The following MB21D2 variants were observed in gnomAD, a reference collection of about 807,000 sequenced individuals.
MB21D2 encodes Mab-21 domain containing 2, also known as nucleotidyltransferase MB21D2.
A neutral mutation model predicts 33.3 loss-of-function variants in MB21D2; 9 were observed. That is an observed-to-expected ratio of 0.27 (90% CI 0.16 to 0.47). The LOEUF (loss-of-function observed/expected upper bound fraction) is 0.47. Ranked by LOEUF, MB21D2 falls within the 20% of genes least tolerant of loss-of-function variation. The probability of loss-of-function intolerance (pLI) is 0.99; values close to 1 mark genes in which losing one functional copy is unlikely to be tolerated. For synonymous variants in MB21D2, 241 were observed against 236.3 expected (o/e 1.02, Z -0.18); for missense variants, 540 against 624.6 (o/e 0.86, Z 1.44).
chr3:192,900,940 C>CAAAAA (rs5855467), intron 1 of MB21D2, among the ~76,000 whole-genome samples: 1 of 140,656 alleles, frequency 7.1e-6, no homozygotes, highest in African/African-American at 2.6e-5. Flanking sequence ...GACTCTGTCT[C>CAAAAA]AAAAAAAAAA....
intron 1 of MB21D2, among the ~76,000 whole-genome samples, chr3:192,846,194 C>A (rs1712677644): frequency 6.6e-6 from 1 of 152,142 alleles, no homozygotes; most frequent in Non-Finnish European, 1.5e-5. Context: ...ATTATCTGAT[C>A]TTTTAGTTAA....
At chr3:192,900,081 G>A (rs1021209801) in intron 1 of MB21D2, among the ~76,000 whole-genome samples, 3 of 151,686 alleles carry the variant, frequency 2.0e-5, no homozygotes, top group Admixed American at 6.6e-5. Context: ...TCAGGAGATC[G>A]AGACCATCCT....
intron 1 of MB21D2, among the ~76,000 whole-genome samples, chr3:192,861,252 CT>C (rs1713035886): frequency 6.6e-6 from 1 of 152,198 alleles, no homozygotes; most frequent in East Asian, 1.9e-4. Context: ...TCCAAGTCCC[CT>C]GTGGTTCTGG....
intron 1 of MB21D2, among the ~76,000 whole-genome samples, chr3:192,906,004 A>G (rs537167773): frequency 6.6e-6 from 1 of 152,234 alleles, no homozygotes; most frequent in Admixed American, 6.5e-5. Flanking sequence ...TACAATAATA[A>G]TACTTACTTC....
Position 192,894,289 on chromosome 3 carries a change from T to C in MB21D2, c.211+23341A>G, listed in dbSNP as rs577840565. 9.0e-4 allele frequency among the ~76,000 whole-genome samples: 137 copies of C among 151,710 alleles called. 3 individuals are homozygous for C. The South Asian group carries it at 0.016, about 18-fold the overall frequency. ...GATTATAGGCGCCCACCACCATGCCTGGCTGATTTTTTTGTATTTTTAATA... is the reference window on the plus strand; with the variant it reads ...GATTATAGGCGCCCACCACCATGCCCGGCTGATTTTTTTGTATTTTTAATA... On this transcript the variant is annotated intron_variant, in intron 1 of 1. Transcript: ENST00000392452.
At chr3:192,832,509 T>A (rs533400843) in intron 1 of MB21D2, among the ~76,000 whole-genome samples, 6 of 152,316 alleles carry the variant, frequency 3.9e-5, no homozygotes, top group African/African-American at 1.4e-4. Context: ...AGAGTATGTC[T>A]CGCCAGGTGC....
chr3:192,802,340 A>T (rs1711578861), intron 1 of MB21D2, among the ~76,000 whole-genome samples: 1 of 152,090 alleles, frequency 6.6e-6, no homozygotes, highest in Non-Finnish European at 1.5e-5. Flanking sequence ...ACAGGTGTAG[A>T]TCCCAAGGGT....
Position 192,798,522 on chromosome 3 carries a change from G to T in MB21D2, c.1340C>A (p.Pro447His). Residue 447 changes from proline to histidine, a missense_variant, in exon 2 of 2, where the codon CCC (proline) becomes CAC (histidine). Physicochemically the swap from Pro to His is moderately conservative, Grantham distance 77. Transcript: ENST00000392452. This position sits in a 1 kb window ranked among gnomAD's most constrained non-coding sequence, Gnocchi z 4.8. ...IPSPQSDGGD[P>H]NQPDDRLAKK... is the part of the protein sequence containing the mutation. ...TGCCAAACGGTCATCAGGCTGGTTGGGGTCCCCTCCGTCAGACTGTGGAGA... is the reference window on the plus strand; with the variant it reads ...TGCCAAACGGTCATCAGGCTGGTTGTGGTCCCCTCCGTCAGACTGTGGAGA... 1.9e-6 allele frequency: 3 copies of T among 1,614,192 alleles called. No individual in the cohort carries two copies. Among genetic ancestry groups the T allele is most frequent in the Non-Finnish European group, 2.5e-6 (3 of 1,180,040 alleles).
chr3:192,835,510 T>C (rs1051925204), intron 1 of MB21D2, among the ~76,000 whole-genome samples: 3 of 151,022 alleles, frequency 2.0e-5, no homozygotes, highest in Admixed American at 6.6e-5. Context: ...TTGCAAATTT[T>C]ATTCCACTTA....
chr3:192,891,572 T>C (rs1373128285), intron 1 of MB21D2, among the ~76,000 whole-genome samples: 1 of 152,126 alleles, frequency 6.6e-6, no homozygotes, highest in Admixed American at 6.5e-5. Flanking sequence ...CTTGCAGGCT[T>C]AGTGTGATAC....
At chr3:192,904,122 C>G (rs1483420956) in intron 1 of MB21D2, among the ~76,000 whole-genome samples, 2 of 152,170 alleles carry the variant, frequency 1.3e-5, no homozygotes, top group African/African-American at 2.4e-5. Context: ...AAAACCACAC[C>G]TGGAACACGG....
intron 1 of MB21D2, among the ~76,000 whole-genome samples, chr3:192,843,378 T>G (rs1055788446): frequency 6.6e-6 from 1 of 152,172 alleles, no homozygotes; most frequent in Non-Finnish European, 1.5e-5. Context: ...AGAACCCAGC[T>G]TGAGTAAGCT....
At chr3:192,826,343 G>A (rs1234135738) in intron 1 of MB21D2, among the ~76,000 whole-genome samples, 3 of 152,214 alleles carry the variant, frequency 2.0e-5, no homozygotes, top group Non-Finnish European at 4.4e-5. Flanking sequence ...CTATAGTCAG[G>A]AAAGGAAAAT....
chr3:192,826,097 A>T (rs1712168145), intron 1 of MB21D2, among the ~76,000 whole-genome samples: 1 of 152,196 alleles, frequency 6.6e-6, no homozygotes, highest in Non-Finnish European at 1.5e-5. Flanking sequence ...CTCCTACACT[A>T]TTCACGAGGA....
chr3:192,860,400 T>G (rs1713016019), intron 1 of MB21D2, among the ~76,000 whole-genome samples: 1 of 152,234 alleles, frequency 6.6e-6, no homozygotes, highest in African/African-American at 2.4e-5. Context: ...ATTTATCTAT[T>G]AATTTTAATG....
At chr3:192,824,025 G>A (rs1368221336) in intron 1 of MB21D2, among the ~76,000 whole-genome samples, 2 of 152,124 alleles carry the variant, frequency 1.3e-5, no homozygotes, top group Non-Finnish European at 2.9e-5. Context: ...GTCTAGTTTT[G>A]TAATACATCC....
At chr3:192,854,235 A>G (rs928241187) in intron 1 of MB21D2, among the ~76,000 whole-genome samples, 1 of 152,226 alleles carries the variant, frequency 6.6e-6, no homozygotes, top group Non-Finnish European at 1.5e-5. Flanking sequence ...AAGTTCTTGA[A>G]GGAAATTAAA....
chr3:192,847,906 C>T (rs1712708163), intron 1 of MB21D2, among the ~76,000 whole-genome samples: 1 of 151,982 alleles, frequency 6.6e-6, no homozygotes. Context: ...GAAGGACCAT[C>T]AAAAAAACAT....
At chr3:192,853,412 C>T (rs1236805650) in intron 1 of MB21D2, among the ~76,000 whole-genome samples, 1 of 152,210 alleles carries the variant, frequency 6.6e-6, no homozygotes, top group Non-Finnish European at 1.5e-5. Context: ...TATGCAGTTT[C>T]AGCTCACCAC....
Sources: allele counts gnomAD v4.1 joint callset (sites outside exome capture counted in the v4.1 genomes callset), GRCh38; gene constraint gnomAD v4.1.1; non-coding constraint Gnocchi (gnomAD v3.1); transcripts MANE v1.5; gene names NCBI Gene and HGNC (gene_info 2026-07-23, HGNC 2026-07-21).